ARHGEF3: variants seen among roughly 807,000 people sequenced by gnomAD.
The protein encoded by ARHGEF3 is Rho guanine nucleotide exchange factor 3.
ARHGEF3 carries 28 observed loss-of-function variants against 63.2 expected under a neutral mutation model. The observed-to-expected ratio is 0.44, with a 90% CI of 0.33 to 0.61. The LOEUF is 0.61. Among genes scored for constraint, ARHGEF3 ranks in the 20% least tolerant of loss-of-function variants. The pLI, the probability that ARHGEF3 is intolerant of heterozygous loss-of-function variation, is 0.03. For synonymous variants in ARHGEF3, 266 were observed against 254.2 expected (o/e 1.05, Z -0.44); for missense variants, 533 against 659.3 (o/e 0.81, Z 2.10).
Position 56,836,055 on chromosome 3 carries a change from G to A in ARHGEF3, c.192+46237C>T, listed in dbSNP as rs79824350. 8.1e-4 allele frequency among the ~76,000 whole-genome samples: 124 copies of A among 152,314 alleles called. 1 individual carries two copies. The highest frequency in any genetic ancestry group is 1.1e-3 in the Non-Finnish European group (76 of 68,024). The stretch of plus-strand genomic sequence containing the variant: ...ATGACCTTCGTGACACAATTCAGCA[G>A]GCCAAGGTATCCCGTTCACATCTGA... On this transcript the variant is annotated intron_variant, in intron 4 of 12. Coordinates refer to the ARHGEF3 transcript ENST00000338458.
chr3:56,762,498 G>A (rs192171932), intron 2 of ARHGEF3, among the ~76,000 whole-genome samples: 10 of 152,250 alleles, frequency 6.6e-5, no homozygotes, highest in Admixed American at 5.2e-4. Context: ...TGGGGGACGG[G>A]GGTGGCATGT....
At chr3:56,939,923 G>T (rs538605244) in intron 3 of ARHGEF3, 2 of 152,262 alleles carry the variant, frequency 1.3e-5, no homozygotes, top group Admixed American at 1.3e-4. Context: ...TACCATAGGA[G>T]TCACCATGGT....
At position 57,001,915 on chromosome 3, in the gene ARHGEF3, G is replaced by GTTTTTTTTTTTTTTTTTTT. The variant is rs1410825594; in HGVS notation, c.62+33172_62+33173insAAAAAAAAAAAAAAAAAAA. Among the ~76,000 whole-genome samples the GTTTTTTTTTTTTTTTTTTT allele has an allele frequency of 9.3e-5, 5 of 53,718 alleles. 2 individuals carry two copies. Among genetic ancestry groups the GTTTTTTTTTTTTTTTTTTT allele is most frequent in the African/African-American group, 1.5e-4 (2 of 13,692 alleles). The allele number at this position is 53,718 out of a possible 152,430, so 35.2% of individuals were successfully genotyped here. A position where few individuals can be genotyped will look rare whatever the true frequency, so the allele number is the denominator to read the frequency against. ...AAATCCTAAAACCCAAAGTGAGATA[G>GTTTTTTTTTTTTTTTTTTT]TTTTTTTTTTTTTTGTTTTTTGTTT... On this transcript the variant is annotated intron_variant, in intron 2 of 12. Transcript: ENST00000338458.
chr3:56,772,411 T>C (rs541144027), intron 2 of ARHGEF3, among the ~76,000 whole-genome samples: 1 of 152,338 alleles, frequency 6.6e-6, no homozygotes, highest in South Asian at 2.1e-4. Flanking sequence ...GCATGAGGCA[T>C]GCCTTGGGTT....
intron 2 of ARHGEF3, chr3:56,960,465 A>C (rs899631757): frequency 6.6e-6 from 1 of 152,182 alleles, no homozygotes; most frequent in Non-Finnish European, 1.5e-5. Flanking sequence ...AGGGGAAATA[A>C]TACCCTCTGT....
intron 3 of ARHGEF3, among the ~76,000 whole-genome samples, chr3:56,947,756 C>T (rs1158312670): frequency 2.0e-5 from 3 of 152,274 alleles, no homozygotes; most frequent in Non-Finnish European, 2.9e-5. Context: ...AGGAATTGAA[C>T]TCAGCTCTGC....
At chr3:56,973,569 C>T (rs1320548879) in intron 2 of ARHGEF3, among the ~76,000 whole-genome samples, 1 of 152,074 alleles carries the variant, frequency 6.6e-6, no homozygotes, top group African/African-American at 2.4e-5. Context: ...CAGAAATCAT[C>T]AGCTTGCAGA....
intron 3 of ARHGEF3, among the ~76,000 whole-genome samples, chr3:56,919,665 A>G (rs2042074864): frequency 6.6e-6 from 1 of 152,256 alleles, no homozygotes; most frequent in Non-Finnish European, 1.5e-5. Flanking sequence ...ATATTAACAT[A>G]TCATACAGCC....
intron 1 of ARHGEF3, among the ~76,000 whole-genome samples, chr3:56,801,076 C>A (rs140266398): frequency 2.1e-4 from 32 of 152,346 alleles, no homozygotes; most frequent in African/African-American, 7.7e-4. Context: ...TTCCATTGAC[C>A]CTAAGGACTT....
chr3:56,854,330 GA>G (rs1305260326), intron 4 of ARHGEF3, among the ~76,000 whole-genome samples: 7 of 152,206 alleles, frequency 4.6e-5, no homozygotes, highest in South Asian at 2.1e-4. Context: ...CTGGCATATG[GA>G]GAAGGAGCAG....
intron 2 of ARHGEF3, among the ~76,000 whole-genome samples, chr3:57,000,072 A>G (rs1353983086): frequency 2.0e-5 from 3 of 152,158 alleles, no homozygotes; most frequent in African/African-American, 7.2e-5. Flanking sequence ...CAGCATCTGT[A>G]TCCTAGGCTG....
At chr3:56,972,385 A>T (rs1166721510) in intron 2 of ARHGEF3, among the ~76,000 whole-genome samples, 1 of 152,086 alleles carries the variant, frequency 6.6e-6, no homozygotes, top group Non-Finnish European at 1.5e-5. Flanking sequence ...TACATAATAA[A>T]TGTTGGCTTT....
rs111753420 is a variant in ARHGEF3 at position 56,905,657 on chromosome 3, A to G, written c.130-23303T>C. 3.3e-3 allele frequency among the ~76,000 whole-genome samples: 506 copies of G among 152,324 alleles called. 2 individuals carry two copies. The highest frequency in any genetic ancestry group is 0.012 in the African/African-American group (480 of 41,554). The stretch of plus-strand genomic sequence containing the variant: ...TAAACATTGCCAATTGGCCTCCATA[A>G]AGCCTGCTGTAATTTATACTCCTAC... On this transcript the variant is annotated intron_variant, in intron 3 of 12. Transcript: ENST00000338458.
intron 1 of ARHGEF3, among the ~76,000 whole-genome samples, chr3:57,049,243 C>A (rs1704577407): frequency 6.6e-6 from 1 of 152,124 alleles, no homozygotes. Flanking sequence ...GTGATGCATG[C>A]CTGTAGTCTC....
intron 1 of ARHGEF3, among the ~76,000 whole-genome samples, chr3:57,067,694 G>A (rs1340440446): frequency 6.7e-6 from 1 of 150,102 alleles, no homozygotes; most frequent in Non-Finnish European, 1.5e-5. Flanking sequence ...AAATTAGCCG[G>A]CGTGAGACCA....
At chr3:56,923,067 TATATATATAA>T (rs1255069943) in intron 3 of ARHGEF3, among the ~76,000 whole-genome samples, 8 of 34,664 alleles carry the variant, frequency 2.3e-4, no homozygotes, top group African/African-American at 7.4e-4. Flanking sequence ...TATATATATA[TATATATATAA>T]ATTAGTTGGG....
rs11328299 is a variant in ARHGEF3 at position 57,021,751 on chromosome 3, C to CA, written c.62+13336dup. ...CTGGCGACAGAGGAAGACGCCATCT[C>CA]AAAAAAAAAAAAAAAATTTATTCAG... On this transcript the variant is annotated intron_variant, in intron 2 of 12. Coordinates refer to the ARHGEF3 transcript ENST00000338458. 6.3e-3 allele frequency among the ~76,000 whole-genome samples: 682 copies of CA among 108,454 alleles called. 2 individuals are homozygous for CA. Among genetic ancestry groups the CA allele is most frequent in the African/African-American group, 9.0e-3 (260 of 28,788 alleles). The allele number at this position is 108,454 out of a possible 152,430, so 71.2% of individuals were successfully genotyped here.
rs66881414 is a variant in ARHGEF3, at chr3:56,730,388, CTT to C, written c.1229-768_1229-767del. The stretch of plus-strand genomic sequence containing the variant: ...CAATATGGAAGACATTTTATTTAAT[CTT>C]TTTTTTTTTTTTTTTTTGAGACAGA... On this transcript the variant is annotated intron_variant, in intron 9 of 9. Transcript: ENST00000296315. Among the ~76,000 whole-genome samples, 554 of 137,276 alleles carry C rather than the reference CTT, an allele frequency of 4.0e-3. 2 individuals carry two copies. Among genetic ancestry groups the C allele is most frequent in the African/African-American group, 0.014 (520 of 37,438 alleles). 90.1% of individuals were successfully genotyped at this position (137,276 alleles called of 152,430 possible). A position where few individuals can be genotyped will look rare whatever the true frequency, so the allele number is the denominator to read the frequency against.
intron 3 of ARHGEF3, among the ~76,000 whole-genome samples, chr3:56,882,590 C>A (rs2040807130): frequency 6.9e-6 from 1 of 144,694 alleles, no homozygotes. Flanking sequence ...CTGATCTTGG[C>A]TCACTGCAAC....
Sources: allele counts gnomAD v4.1 joint callset (sites outside exome capture counted in the v4.1 genomes callset), GRCh38; gene constraint gnomAD v4.1.1; transcripts MANE v1.5; gene names NCBI Gene and HGNC (gene_info 2026-07-23, HGNC 2026-07-21).